ATXN2: variants seen among roughly 807,000 people sequenced by gnomAD.
ATXN2 encodes ataxin-2.
ATXN2 carries 37 observed loss-of-function variants against 138.6 expected under a neutral mutation model. That is an observed-to-expected ratio of 0.27 (90% CI 0.21 to 0.35). The LOEUF (loss-of-function observed/expected upper bound fraction) is 0.35. Among genes scored for constraint, ATXN2 ranks in the 10% least tolerant of loss-of-function variants. ATXN2 has a pLI of 1.00. For synonymous variants in ATXN2, 549 were observed against 543.7 expected, an observed-to-expected ratio of 1.01 and a Z score of -0.13; for missense variants, 1,216 against 1,480.3, an observed-to-expected ratio of 0.82 and a Z score of 2.93.
At position 111,488,478 on chromosome 12, in the gene ATXN2, A is replaced by G; in HGVS notation, c.2238T>C (p.Ala746=). 6.2e-7 allele frequency: 1 copy of G among 1,606,482 alleles called. No individual in the cohort carries two copies. Among genetic ancestry groups the G allele is most frequent in the Non-Finnish European group, 8.5e-7 (1 of 1,175,820 alleles). The change falls in exon 15 of 25, where the codon GCT becomes GCC. Residue 746 remains alanine (A), a splice_region_variant and synonymous_variant. Coordinates refer to ENST00000673436, the MANE Select transcript of ATXN2 (RefSeq NM_001372574.1). ...KDDKEEKKDA[A]EQVRKSTLNP... ...GTCTAAGTTCCAGGTTTACTCACTC[A>G]GCTGCGTCTTTCTTCTCTTCCTTAT...
chr12:111,580,936 C>T (rs1235359231), intron 1 of ATXN2, among the ~76,000 whole-genome samples: 1 of 151,786 alleles, frequency 6.6e-6, no homozygotes, highest in African/African-American at 2.4e-5. Context: ...GTCATGAGTT[C>T]GAGACCAGCC....
rs1342224896 is a variant in ATXN2 at position 111,598,801 on chromosome 12, C to T, written c.234G>A (p.Gly78=). The T allele has an allele frequency of 3.6e-6, 5 of 1,397,406 alleles. No individual in the cohort carries two copies. The highest frequency in any genetic ancestry group is 2.6e-4 in the Middle Eastern group (1 of 3,850). The allele number at this position is 1,397,406 out of a possible 1,614,324, so 86.6% of individuals were successfully genotyped here. A position where few individuals can be genotyped will look rare whatever the true frequency, so the allele number is the denominator to read the frequency against. Reference sequence around the variant, plus strand: ...ACACCCACCTGCCCAGGCCGGGCCTCCCGCCGCCGGAGGTCGCCGCGACCA... The same window carrying T: ...ACACCCACCTGCCCAGGCCGGGCCTTCCGCCGCCGGAGGTCGCCGCGACCA... ...SSVVAATSGG[G]RPGLGRGRNS... Residue 78 remains glycine, a synonymous_variant, in exon 1 of 25, where the codon GGG becomes GGA. Transcript: ENST00000673436. This position sits in a 1 kb window ranked among gnomAD's most constrained non-coding sequence, Gnocchi z 4.5.
At chr12:111,501,872 A>G (rs1362454394) in intron 14 of ATXN2, among the ~76,000 whole-genome samples, 1 of 149,372 alleles carries the variant, frequency 6.7e-6, no homozygotes, top group African/African-American at 2.5e-5. Context: ...ACACATCTGC[A>G]TTTCTTACTA....
chr12:111,453,476 A>G lies in ATXN2; in HGVS notation c.3439+201T>C, dbSNP rs1024673635. ...ATCAAGCCAAATCCTGTATACCATCAGAACACACACAGACTCGGCTCCCGG... is the reference window on the plus strand; with the variant it reads ...ATCAAGCCAAATCCTGTATACCATCGGAACACACACAGACTCGGCTCCCGG... On this transcript the variant is annotated intron_variant, in intron 24 of 24. Transcript: ENST00000673436. The surrounding 1 kb of genome is among the most constrained non-coding windows in gnomAD (Gnocchi z 5.4). The G allele has an allele frequency of 7.6e-7, 1 of 1,316,046 alleles. No homozygotes were observed. 81.5% of individuals were successfully genotyped at this position (1,316,046 alleles called of 1,614,324 possible).
chr12:111,495,469 T>C (rs1159996224), intron 14 of ATXN2, among the ~76,000 whole-genome samples: 1 of 152,136 alleles, frequency 6.6e-6, no homozygotes, highest in Non-Finnish European at 1.5e-5. Flanking sequence ...AAATAGATTT[T>C]GAGACAAAGT....
Position 111,598,967 on chromosome 12 carries a change from TGCTGCTGCTGTTGC to T in ATXN2, c.54_67del (p.Gln19AlafsTer66), listed in dbSNP as rs1885096960. ...GGGCGGCGGCTGCTGCTGCTGCTGC[TGCTGCTGCTGTTGC>T]TGCTGCTGCTGCTGCTGCTGCTGCT... is the stretch of plus-strand genomic sequence containing the variant. On this transcript the variant is annotated frameshift_variant, in exon 1 of 25. Coordinates refer to ENST00000673436, the MANE Select transcript of ATXN2 (RefSeq NM_001372574.1). LOFTEE classifies it high-confidence loss of function. This position sits in a 1 kb window ranked among gnomAD's most constrained non-coding sequence, Gnocchi z 4.5. The T allele has an allele frequency of 2.0e-6, 3 of 1,503,382 alleles. No individual in the cohort carries two copies. The East Asian group carries it at 8.0e-5, about 40-fold the overall frequency. 93.1% of individuals were successfully genotyped at this position (1,503,382 alleles called of 1,614,324 possible).
At chr12:111,531,765 T>C (rs1001285181) in intron 5 of ATXN2, among the ~76,000 whole-genome samples, 2 of 152,176 alleles carry the variant, frequency 1.3e-5, no homozygotes, top group African/African-American at 2.4e-5. Flanking sequence ...AGGGGTATGA[T>C]GACAAAAGAG....
intron 14 of ATXN2, among the ~76,000 whole-genome samples, chr12:111,500,172 G>A (rs999973770): frequency 6.6e-6 from 1 of 152,134 alleles, no homozygotes; most frequent in Non-Finnish European, 1.5e-5. Flanking sequence ...TGTTTACTAC[G>A]GCACTATATA....
chr12:111,459,227 C>T (rs1296591056), intron 21 of ATXN2, among the ~76,000 whole-genome samples: 3 of 152,148 alleles, frequency 2.0e-5, no homozygotes, highest in Non-Finnish European at 4.4e-5. Context: ...ACGATGAAGC[C>T]TTCCTGAGCT....
At chr12:111,473,034 A>G (rs1447590734) in intron 18 of ATXN2, among the ~76,000 whole-genome samples, 1 of 152,034 alleles carries the variant, frequency 6.6e-6, no homozygotes, top group Non-Finnish European at 1.5e-5. Context: ...CCACTTTGTG[A>G]GGCTGACACA....
At position 111,513,461 on chromosome 12, in the gene ATXN2, C is replaced by A; in HGVS notation, c.1454G>T (p.Ser485Ile). Reference sequence around the variant, plus strand: ...GTTGTGGGATACAAATTCTAGGCCACTGGATATGGAACCCCTCCCAGCAGA... The same window carrying A: ...GTTGTGGGATACAAATTCTAGGCCAATGGATATGGAACCCCTCCCAGCAGA... ...RVSAGRGSIS[S>I]GLEFVSHNPP... The change falls in exon 11 of 25, where the codon AGT (serine) becomes ATT (isoleucine). Residue 485 changes from serine to isoleucine, a missense_variant. Ser to Ile is a moderately radical substitution (Grantham distance 142, BLOSUM62 -2). Coordinates refer to ENST00000673436, the MANE Select transcript of ATXN2 (RefSeq NM_001372574.1). The A allele has an allele frequency of 6.2e-7, 1 of 1,614,058 alleles. No homozygotes were observed. The highest frequency in any genetic ancestry group is 8.5e-7 in the Non-Finnish European group (1 of 1,180,010).
chr12:111,529,163 T>C (rs923965100), intron 5 of ATXN2, among the ~76,000 whole-genome samples: 6 of 151,940 alleles, frequency 3.9e-5, no homozygotes, highest in African/African-American at 1.5e-4. Flanking sequence ...TAGTAAATAG[T>C]ACAATGTTGT....
chr12:111,536,524 G>A (rs755343630), intron 5 of ATXN2, among the ~76,000 whole-genome samples: 1 of 152,060 alleles, frequency 6.6e-6, no homozygotes, highest in East Asian at 1.9e-4. Flanking sequence ...ATACAGCTAC[G>A]TTGGAAACAG....
intron 11 of ATXN2, chr12:111,510,954 C>T (rs1879471318): frequency 6.2e-6 from 1 of 161,388 alleles, no homozygotes; most frequent in South Asian, 1.7e-4. Context: ...GTCTCAAACT[C>T]CTGACCTCAG....
intron 1 of ATXN2, among the ~76,000 whole-genome samples, chr12:111,560,696 C>T (rs1261433512): frequency 1.3e-5 from 2 of 151,994 alleles, no homozygotes; most frequent in African/African-American, 2.4e-5. Context: ...CCACCCCCAA[C>T]CATAGGCTAA....
At chr12:111,478,342 G>A (rs1468342732) in intron 18 of ATXN2, among the ~76,000 whole-genome samples, 3 of 152,082 alleles carry the variant, frequency 2.0e-5, no homozygotes, top group Non-Finnish European at 4.4e-5. Context: ...GGAGGCGGAG[G>A]TTGCAGTGAG....
At chr12:111,468,937 T>G (rs1009846381) in intron 20 of ATXN2, 3 of 152,162 alleles carry the variant, frequency 2.0e-5, no homozygotes, top group African/African-American at 7.2e-5. Flanking sequence ...CCTGACCTCA[T>G]GATCCGCCAG....
At chr12:111,537,031 C>T (rs1881224202) in intron 5 of ATXN2, among the ~76,000 whole-genome samples, 1 of 151,924 alleles carries the variant, frequency 6.6e-6, no homozygotes, top group Admixed American at 6.6e-5. Context: ...GATCTGCCAG[C>T]CCCAGCCTCC....
intron 1 of ATXN2, among the ~76,000 whole-genome samples, chr12:111,562,969 A>G (rs1882783962): frequency 6.6e-6 from 1 of 152,210 alleles, no homozygotes; most frequent in Admixed American, 6.5e-5. Flanking sequence ...TAACCAAGTG[A>G]TCAAAGTTAA....
Sources: gnomAD v4.1 joint callset for allele counts (sites outside exome capture counted in the v4.1 genomes callset) on GRCh38, gnomAD v4.1.1 for gene constraint, Gnocchi (gnomAD v3.1) non-coding constraint, MANE v1.5 for transcripts, NCBI Gene and HGNC (gene_info 2026-07-23, HGNC 2026-07-21) for gene names.